The following ELAPOR1 variants were observed in gnomAD, a reference collection of about 807,000 sequenced individuals.
ELAPOR1 encodes the protein endosome-lysosome associated apoptosis and autophagy regulator 1, also known as endosome/lysosome-associated apoptosis and autophagy regulator 1.
Under a neutral mutation model 119.7 loss-of-function variants are expected in ELAPOR1, and 77 were observed. The ratio of observed to expected loss-of-function variants is 0.64; its 90% confidence interval spans 0.54 to 0.78. ELAPOR1 has a LOEUF of 0.78. Among genes scored for constraint, ELAPOR1 ranks in the 30% least tolerant of loss-of-function variants. The pLI is 0.00. For missense variants in ELAPOR1, 1,115 were observed against 1,270.4 expected, an observed-to-expected ratio of 0.88 and a Z score of 1.86; for synonymous variants, 481 against 487.2, an observed-to-expected ratio of 0.99 and a Z score of 0.17.
chr1:109,175,782 G>A (rs1253839967), intron 7 of ELAPOR1, among the ~76,000 whole-genome samples: 3 of 137,754 alleles, frequency 2.2e-5, no homozygotes, highest in East Asian at 2.1e-4. Flanking sequence ...AGCAGAGATC[G>A]TGCCACTGCA....
At chr1:109,183,590 T>TTCTCTCCCTCCC (rs1652867213) in intron 7 of ELAPOR1, among the ~76,000 whole-genome samples, 5 of 108,252 alleles carry the variant, frequency 4.6e-5, no homozygotes, top group Non-Finnish European at 9.2e-5. Context: ...CCTTCCTTCC[T>TTCTCTCCCTCCC]TCCTTCCTTC....
At position 109,171,864 on chromosome 1, in the gene ELAPOR1, A is replaced by G; in HGVS notation, c.468-2A>G. On this transcript the variant is annotated splice_acceptor_variant, in intron 3 of 21. Transcript: ENST00000369939. LOFTEE classifies it high-confidence loss of function. ...GTGAACCTGGTTCCTGTTCCTTCAC[A>G]GGTCCAAGTGGGTTCCCCGGGGCGA... 1 of 1,614,144 alleles carries G rather than the reference A, an allele frequency of 6.2e-7. No individual in the cohort carries two copies.
Position 109,198,069 on chromosome 1 carries a change from T to C in ELAPOR1, c.2393T>C (p.Phe798Ser). 1.2e-6 allele frequency: 2 copies of C among 1,611,474 alleles called. No individual in the cohort carries two copies. The highest frequency in any genetic ancestry group is 1.1e-5 in the South Asian group (1 of 91,022). ...ESLGIPDVIF[F>S]YRSNDVTQSC... ...TTGGGAATACCGGACGTGATCTTCT[T>C]TTATAGGTGAAGATGAGAGGCTAGG... is the stretch of plus-strand genomic sequence containing the variant. Residue 798 changes from phenylalanine to serine, a missense_variant, in exon 17 of 22, where the codon TTT becomes TCT. Transcript: ENST00000369939.
At position 109,197,685 on chromosome 1, in the gene ELAPOR1, G is replaced by GAC. The variant is rs1553174295; in HGVS notation, c.2302+32_2302+33insCA. ...TAACTCCGCTGCCTCAGCCTTGTTT[G>GAC]AGAGTGTGTGTGTGTGTGTGTGTGT... On this transcript the variant is annotated intron_variant, in intron 16 of 21. Transcript: ENST00000369939. 3 of 1,549,492 alleles carry GAC rather than the reference G, an allele frequency of 1.9e-6. No homozygotes were observed. In the African/African-American group the frequency reaches 4.8e-5, roughly 25 times the overall value.
intron 1 of ELAPOR1, among the ~76,000 whole-genome samples, chr1:109,127,640 C>T (rs1345545394): frequency 6.6e-6 from 1 of 152,064 alleles, no homozygotes; most frequent in African/African-American, 2.4e-5. Flanking sequence ...GATCACTGTT[C>T]ACGGCAGCCT....
chr1:109,162,078 T>C (rs1651302047), intron 2 of ELAPOR1, 64 bp downstream of exon 2: 1 of 1,549,844 alleles, frequency 6.5e-7, no homozygotes, highest in Admixed American at 1.7e-5. Context: ...CCAAGTCTCC[T>C]GCCATCCAAT....
intron 7 of ELAPOR1, among the ~76,000 whole-genome samples, chr1:109,179,924 A>G (rs1652594590): frequency 6.6e-6 from 1 of 152,152 alleles, no homozygotes; most frequent in Non-Finnish European, 1.5e-5. Flanking sequence ...AAGAATTTTA[A>G]ATGAAGGATT....
intron 1 of ELAPOR1, among the ~76,000 whole-genome samples, chr1:109,146,221 G>A (rs958103737): frequency 6.6e-6 from 1 of 152,086 alleles, no homozygotes; most frequent in African/African-American, 2.4e-5. Context: ...TGAGGAGGCT[G>A]AGATGAAGAA....
chr1:109,188,391 G>A (rs752314155), intron 9 of ELAPOR1, 37 bp downstream of exon 9: 12 of 1,579,036 alleles, frequency 7.6e-6, no homozygotes, highest in East Asian at 4.5e-5. Context: ...GCAGCACATC[G>A]ACTGTGTGGG....
intron 12 of ELAPOR1, 64 bp from the exon 13 acceptor site, chr1:109,191,662 C>T: frequency 6.3e-7 from 1 of 1,598,482 alleles, no homozygotes; most frequent in Non-Finnish European, 8.6e-7. Flanking sequence ...GGGATGGCAG[C>T]CACATGGGCA....
intron 8 of ELAPOR1, chr1:109,186,739 C>T (rs1308291276): frequency 2.9e-5 from 29 of 985,488 alleles, no homozygotes; most frequent in Non-Finnish European, 3.1e-5. Context: ...CCCTCCTGTT[C>T]ATAACATGTG....
At chr1:109,149,998 A>G (rs1650431609) in intron 1 of ELAPOR1, among the ~76,000 whole-genome samples, 1 of 152,206 alleles carries the variant, frequency 6.6e-6, no homozygotes, top group South Asian at 2.1e-4. Context: ...GGTGCTCACT[A>G]GGGTGGCTGT....
At chr1:109,144,061 A>ATATATATATTTTTTT in intron 1 of ELAPOR1, among the ~76,000 whole-genome samples, 5 of 88,988 alleles carry the variant, frequency 5.6e-5, no homozygotes, top group African/African-American at 9.6e-5. Flanking sequence ...ATATTTATAT[A>ATATATATATTTTTTT]TTTTTTTTTT....
chr1:109,141,401 A>C (rs181422862), intron 1 of ELAPOR1, among the ~76,000 whole-genome samples: 1 of 151,802 alleles, frequency 6.6e-6, no homozygotes, highest in Admixed American at 6.6e-5. Context: ...AGCTGGGACT[A>C]CAGGCGCCTG....
chr1:109,123,609 A>C (rs752178179), intron 1 of ELAPOR1, among the ~76,000 whole-genome samples: 5 of 152,192 alleles, frequency 3.3e-5, no homozygotes, highest in Non-Finnish European at 5.9e-5. Flanking sequence ...CTATTTTAAA[A>C]TAATCTTATT....
In ELAPOR1 at chr1:109,189,675, G is replaced by T; in HGVS notation, c.1432G>T (p.Gly478Ter). Residue 478 changes from glycine to a stop codon, truncating the protein, a stop_gained, in exon 11 of 22, where the codon GGA (glycine) becomes TGA (stop). Coordinates refer to ENST00000369939, the MANE Select transcript of ELAPOR1 (RefSeq NM_020775.5). LOFTEE classifies it high-confidence loss of function. ...CATGATTCTCACTCTGGTTGTGCCA[G>T]GATTTAGGTGAGGAATCCAAAGCCC... Reference protein sequence around the residue: ...DFMILTLVVPGFRPPQSVMAD... With the variant: ...DFMILTLVVP The T allele has an allele frequency of 6.2e-7, 1 of 1,613,856 alleles. No individual in the cohort carries two copies. The highest frequency in any genetic ancestry group is 8.5e-7 in the Non-Finnish European group (1 of 1,179,794).
chr1:109,176,183 T>C (rs1035058810), intron 7 of ELAPOR1, among the ~76,000 whole-genome samples: 6 of 152,106 alleles, frequency 3.9e-5, no homozygotes, highest in Non-Finnish European at 7.4e-5. Context: ...AAATAGGACG[T>C]GGTTATTTGA....
chr1:109,167,294 T>C (rs1388293236), intron 3 of ELAPOR1, among the ~76,000 whole-genome samples: 4 of 152,058 alleles, frequency 2.6e-5, no homozygotes, highest in Admixed American at 6.6e-5. Context: ...TAATAACAAC[T>C]TGTGTTTCCA....
At chr1:109,189,480 T>G in intron 10 of ELAPOR1, 112 bp from the exon 11 acceptor site, 1 of 977,892 alleles carries the variant, frequency 1.0e-6, no homozygotes, top group Non-Finnish European at 1.6e-6. Context: ...TCAGTGGTGG[T>G]TCTGGGCGCC....
Sources: gnomAD v4.1 joint callset for allele counts (sites outside exome capture counted in the v4.1 genomes callset) on GRCh38, gnomAD v4.1.1 for gene constraint, MANE v1.5 for transcripts, NCBI Gene and HGNC (gene_info 2026-07-23, HGNC 2026-07-21) for gene names.